The following SLC4A10 variants were observed in gnomAD, a reference collection of about 807,000 sequenced individuals.
SLC4A10 encodes the protein solute carrier family 4 member 10, also known as sodium-driven chloride bicarbonate exchanger.
In SLC4A10, 42 loss-of-function variants were observed where a neutral mutation model predicts 137.7. The ratio of observed to expected loss-of-function variants is 0.30; its 90% confidence interval spans 0.24 to 0.39. The LOEUF is 0.39. SLC4A10 is among the 10% of genes least tolerant of loss of function. The pLI is 1.00. For synonymous variants in SLC4A10, 474 were observed against 464.1 expected, an observed-to-expected ratio of 1.02 and a Z score of -0.27; for missense variants, 925 against 1,355.0, an observed-to-expected ratio of 0.68 and a Z score of 4.98.
At chr2:161,851,385 T>C (rs934858510) in intron 4 of SLC4A10, among the ~76,000 whole-genome samples, 1 of 152,222 alleles carries the variant, frequency 6.6e-6, no homozygotes, top group Admixed American at 6.5e-5. Flanking sequence ...TTTATGAATC[T>C]GGGTGTTCCA....
chr2:161,649,831 T>C (rs891436192), intron 1 of SLC4A10, among the ~76,000 whole-genome samples: 62 of 152,124 alleles, frequency 4.1e-4, no homozygotes, highest in African/African-American at 1.4e-3. Flanking sequence ...AAGACAGGTA[T>C]TTAACCTTAT....
chr2:161,815,290 T>C lies in SLC4A10; in HGVS notation c.277+10695T>C, dbSNP rs895474282. ...GGAGGTGATTGGATTTTGGGGGCGG[T>C]TTCCCTCATGCTGTTCTCGTGATGG... On this transcript the variant is annotated intron_variant, in intron 3 of 26. Coordinates refer to ENST00000446997, the MANE Select transcript of SLC4A10 (RefSeq NM_001178015.2). Among the ~76,000 whole-genome samples the C allele has an allele frequency of 8.5e-5, 13 of 152,108 alleles. No individual in the cohort carries two copies. The East Asian group carries it at 1.4e-3, about 16-fold the overall frequency.
intron 1 of SLC4A10, among the ~76,000 whole-genome samples, chr2:161,697,494 G>A (rs188177986): frequency 6.6e-6 from 1 of 152,150 alleles, no homozygotes; most frequent in Non-Finnish European, 1.5e-5. Context: ...AAGGTGTAAG[G>A]AAGGGATCCA....
chr2:161,731,092 A>C (rs1489347592), intron 1 of SLC4A10, among the ~76,000 whole-genome samples: 1 of 152,152 alleles, frequency 6.6e-6, no homozygotes, highest in Non-Finnish European at 1.5e-5. Flanking sequence ...TGAAAGAAAA[A>C]GTATTGTTTT....
chr2:161,649,852 C>A (rs2036550327), intron 1 of SLC4A10, among the ~76,000 whole-genome samples: 2 of 151,384 alleles, frequency 1.3e-5, no homozygotes. Context: ...TATTTCAAAT[C>A]TAATAAGCTT....
rs191859150 is a variant in SLC4A10 at position 161,980,559 on chromosome 2, G to A, written c.*27-2620G>A. Among the ~76,000 whole-genome samples, 3 of 152,252 alleles carry A rather than the reference G, an allele frequency of 2.0e-5. No individual in the cohort carries two copies. The East Asian group carries it at 5.8e-4, about 29-fold the overall frequency. On this transcript the variant is annotated intron_variant, in intron 26 of 26. Coordinates refer to ENST00000446997, the MANE Select transcript of SLC4A10 (RefSeq NM_001178015.2). ...AGCTACTCAGGAGGCTGAGGCAGGA[G>A]AATCCCTTCAACCTGCGACGTGGAG...
At chr2:161,812,908 A>T (rs2056693357) in intron 3 of SLC4A10, among the ~76,000 whole-genome samples, 3 of 151,958 alleles carry the variant, frequency 2.0e-5, no homozygotes, top group African/African-American at 7.2e-5. Context: ...TTACCATTTG[A>T]TTATCTGCAG....
intron 1 of SLC4A10, among the ~76,000 whole-genome samples, chr2:161,692,770 T>G (rs895938719): frequency 3.3e-5 from 5 of 152,092 alleles, no homozygotes; most frequent in Non-Finnish European, 7.4e-5. Context: ...GATTTTTACC[T>G]TATATAATCA....
intron 1 of SLC4A10, among the ~76,000 whole-genome samples, chr2:161,740,523 G>A (rs1173312988): frequency 6.6e-6 from 1 of 152,176 alleles, no homozygotes; most frequent in Non-Finnish European, 1.5e-5. Context: ...TCTAATTAAT[G>A]TTTGATAGCA....
intron 15 of SLC4A10, among the ~76,000 whole-genome samples, chr2:161,906,992 C>T (rs1273029321): frequency 7.1e-6 from 1 of 141,688 alleles, no homozygotes; most frequent in Non-Finnish European, 1.5e-5. Context: ...GGAGGCGGAG[C>T]TTGCAGTGAG....
intron 1 of SLC4A10, among the ~76,000 whole-genome samples, chr2:161,691,916 C>T (rs1224915111): frequency 6.6e-6 from 1 of 151,958 alleles, no homozygotes; most frequent in East Asian, 1.9e-4. Context: ...AATAGAAGTT[C>T]AAATAAAATA....
chr2:161,674,150 T>C (rs1283129810), intron 1 of SLC4A10, among the ~76,000 whole-genome samples: 1 of 152,196 alleles, frequency 6.6e-6, no homozygotes, highest in African/African-American at 2.4e-5. Flanking sequence ...TGTCAACTCC[T>C]AAGAAGGCAG....
chr2:161,658,097 G>A (rs2037794252), intron 1 of SLC4A10, among the ~76,000 whole-genome samples: 1 of 152,016 alleles, frequency 6.6e-6, no homozygotes, highest in Admixed American at 6.6e-5. Flanking sequence ...GCTTTTAGAT[G>A]TTAACTAACT....
At chr2:161,802,547 T>A (rs1470167498) in intron 2 of SLC4A10, among the ~76,000 whole-genome samples, 1 of 152,130 alleles carries the variant, frequency 6.6e-6, no homozygotes, top group Non-Finnish European at 1.5e-5. Flanking sequence ...TTCAATTACA[T>A]GTCTTCTGAA....
intron 1 of SLC4A10, among the ~76,000 whole-genome samples, chr2:161,745,701 C>G (rs1469137531): frequency 6.6e-6 from 1 of 152,044 alleles, no homozygotes; most frequent in Non-Finnish European, 1.5e-5. Flanking sequence ...TGTTCCCTTT[C>G]TTTTTGAGAA....
chr2:161,902,046 C>G (rs1391880072), intron 12 of SLC4A10: 1 of 456,334 alleles, frequency 2.2e-6, no homozygotes, highest in Non-Finnish European at 4.4e-6. Flanking sequence ...TATCCGGTAT[C>G]TTCGCTTCTC....
chr2:161,681,459 T>C (rs1460693878), intron 1 of SLC4A10, among the ~76,000 whole-genome samples: 3 of 152,174 alleles, frequency 2.0e-5, no homozygotes, highest in Admixed American at 1.3e-4. Flanking sequence ...TTCTGAATTT[T>C]AATTCAGTAT....
intron 1 of SLC4A10, among the ~76,000 whole-genome samples, chr2:161,713,131 A>G (rs2044472832): frequency 6.6e-6 from 1 of 151,966 alleles, no homozygotes; most frequent in East Asian, 1.9e-4. Context: ...AAATAATAGA[A>G]TAGTTCATTT....
chr2:161,720,459 G>A (rs934450594), intron 1 of SLC4A10, among the ~76,000 whole-genome samples: 2 of 152,222 alleles, frequency 1.3e-5, no homozygotes, highest in African/African-American at 4.8e-5. Flanking sequence ...TGATGGGGAT[G>A]GCATTGAATC....
Sources: allele counts gnomAD v4.1 joint callset (sites outside exome capture counted in the v4.1 genomes callset), GRCh38; gene constraint gnomAD v4.1.1; transcripts MANE v1.5; gene names NCBI Gene and HGNC (gene_info 2026-07-23, HGNC 2026-07-21).